NATD1: variants seen among roughly 807,000 people sequenced by gnomAD.
NATD1 encodes the protein N-acetyltransferase domain containing 1.
A neutral mutation model predicts 12.0 loss-of-function variants in NATD1; 9 were observed. The observed-to-expected ratio is 0.75, with a 90% CI of 0.45 to 1.30. The LOEUF (loss-of-function observed/expected upper bound fraction) is 1.30, where lower values mean the gene tolerates loss of function less well. Ranked by LOEUF, NATD1 falls within the 50% of genes most tolerant of loss-of-function variation. The pLI, the probability that NATD1 is intolerant of heterozygous loss-of-function variation, is 0.00. For missense variants in NATD1, 148 were observed against 148.5 expected (o/e 1.00, Z 0.02); for synonymous variants, 71 against 65.9 (o/e 1.08, Z -0.37).
At chr17:21,252,825 G>C (rs1033127006) in intron 1 of NATD1, among the ~76,000 whole-genome samples, 1 of 152,012 alleles carries the variant, frequency 6.6e-6, no homozygotes, top group Non-Finnish European at 1.5e-5. Flanking sequence ...GCTGAGACAG[G>C]GGACCCGCGC....
Position 21,242,423 on chromosome 17 carries a change from T to TAA in NATD1, c.*889_*890insTT, listed in dbSNP as rs2144355706. ...GATGCTGAGGGTGGTTTTTGGAGAA[T>TAA]AGTCAGCTTCACTCCCACCCCAGCC... On this transcript the variant is annotated 3_prime_UTR_variant, in exon 3 of 3. Coordinates refer to ENST00000611551, the MANE Select transcript of NATD1 (RefSeq NM_152914.3). The TAA allele has an allele frequency of 6.6e-6, 1 of 152,372 alleles. No homozygotes were observed. The highest frequency in any genetic ancestry group is 2.1e-4 in the South Asian group (1 of 4,832). 9.4% of individuals were successfully genotyped at this position (152,372 alleles called of 1,614,324 possible).
At chr17:21,247,299 GC>G (rs1477585983) in intron 1 of NATD1, among the ~76,000 whole-genome samples, 1 of 152,246 alleles carries the variant, frequency 6.6e-6, no homozygotes, top group Non-Finnish European at 1.5e-5. Flanking sequence ...ACACACTAGG[GC>G]CTTGTGGCAG....
In NATD1 at chr17:21,239,653, G is replaced by T. The variant is rs1296865788; in HGVS notation, c.*3660C>A. 2 of 152,250 alleles carry T rather than the reference G, an allele frequency of 1.3e-5. No individual in the cohort carries two copies. The highest frequency in any genetic ancestry group is 2.9e-5 in the Non-Finnish European group (2 of 68,088). The allele number at this position is 152,250 out of a possible 1,614,324, so 9.4% of individuals were successfully genotyped here. On this transcript the variant is annotated 3_prime_UTR_variant, in exon 3 of 3. Coordinates refer to ENST00000611551, the MANE Select transcript of NATD1 (RefSeq NM_152914.3). Reference sequence around the variant, plus strand: ...AAAAATACAAAAATTAGCCAGGCATGGTGGTGGGCACCTGTAATTCCAGCT... The same window carrying T: ...AAAAATACAAAAATTAGCCAGGCATTGTGGTGGGCACCTGTAATTCCAGCT...
At position 21,244,058 on chromosome 17, in the gene NATD1, GC is replaced by G. The variant is rs774054927; in HGVS notation, c.225+47del. 2.0e-6 allele frequency: 3 copies of G among 1,523,546 alleles called. No homozygotes were observed. The Admixed American group carries it at 5.4e-5, about 27-fold the overall frequency. 94.4% of individuals were successfully genotyped at this position (1,523,546 alleles called of 1,614,324 possible). ...CCGTCTCCTCGGAGCGAAGGTGGCA[GC>G]CCCCATGTCCCCGTCCCCGCTTGGC... is the stretch of plus-strand genomic sequence containing the variant. On this transcript the variant is annotated intron_variant, in intron 2 of 2. Coordinates refer to ENST00000611551, the MANE Select transcript of NATD1 (RefSeq NM_152914.3). This position sits in a 1 kb window ranked among gnomAD's most constrained non-coding sequence, Gnocchi z 5.2.
intron 1 of NATD1, among the ~76,000 whole-genome samples, chr17:21,252,744 C>CA (rs1975389509): frequency 1.3e-5 from 2 of 152,140 alleles, no homozygotes; most frequent in Non-Finnish European, 2.9e-5. Flanking sequence ...TCCAGGATCT[C>CA]AAACAGGAGC....
At position 21,253,250 on chromosome 17, in the gene NATD1, AGCC is replaced by A. The variant is rs1355540540; in HGVS notation, c.12_14del (p.Ala7del). ...CCAGCGCGCCCAGCGGCACGGCGGC[AGCC>A]GAGTGCGCCATCTGCGCGCGGGGCT... On this transcript the variant is annotated inframe_deletion, in exon 1 of 3. Transcript: ENST00000611551. 2.0e-6 allele frequency: 2 copies of A among 996,168 alleles called. No homozygotes were observed. Among genetic ancestry groups the A allele is most frequent in the East Asian group, 2.1e-4 (2 of 9,448 alleles). The allele number at this position is 996,168 out of a possible 1,614,324, so 61.7% of individuals were successfully genotyped here.
Position 21,253,181 on chromosome 17 carries a change from G to C in NATD1, c.84C>G (p.Arg28=), listed in dbSNP as rs1357975784. 1.1e-5 allele frequency: 11 copies of C among 1,018,128 alleles called. No homozygotes were observed. The highest frequency in any genetic ancestry group is 1.3e-5 in the Non-Finnish European group (11 of 852,626). The allele number at this position is 1,018,128 out of a possible 1,614,324, so 63.1% of individuals were successfully genotyped here. ...TACCGTTGAGCCGGACAGTGAACTGGCGGCGCCGGCGGTCGTGCTCCACGC... is the reference window on the plus strand; with the variant it reads ...TACCGTTGAGCCGGACAGTGAACTGCCGGCGCCGGCGGTCGTGCTCCACGC... ...PIRVEHDRRR[R]QFTVRLNGCH... is the part of the protein sequence containing the mutation. The change falls in exon 1 of 3, where the codon CGC becomes CGG. Residue 28 remains arginine (R), a synonymous_variant. Transcript: ENST00000611551.
intron 1 of NATD1, among the ~76,000 whole-genome samples, chr17:21,248,118 A>G (rs1975342706): frequency 6.6e-6 from 1 of 152,174 alleles, no homozygotes; most frequent in African/African-American, 2.4e-5. Context: ...GCCAGACCAC[A>G]TGGCACTGGG....
intron 1 of NATD1, among the ~76,000 whole-genome samples, chr17:21,251,756 GAGCCCCACC>G (rs1165012183): frequency 6.6e-6 from 1 of 152,202 alleles, no homozygotes; most frequent in African/African-American, 2.4e-5. Context: ...TGGGTCGCAG[GAGCCCCACC>G]GTTCAGGGAG....
intron 1 of NATD1, among the ~76,000 whole-genome samples, chr17:21,247,006 T>C (rs1322014987): frequency 6.6e-6 from 1 of 152,094 alleles, no homozygotes; most frequent in African/African-American, 2.4e-5. Context: ...CAAAAAAACC[T>C]CAGCTTTTGC....
chr17:21,243,284 C>T lies in NATD1; in HGVS notation c.*29G>A. The T allele has an allele frequency of 1.9e-6, 3 of 1,590,546 alleles. No individual in the cohort carries two copies. The highest frequency in any genetic ancestry group is 3.4e-5 in the Admixed American group (2 of 59,460). The stretch of plus-strand genomic sequence containing the variant: ...GCAAAGGCCACGTGGAAGAGTCCGG[C>T]AGGGAGCGCTCCCGCCTGCAGGCCA... On this transcript the variant is annotated 3_prime_UTR_variant, in exon 3 of 3. Transcript: ENST00000611551.
At position 21,253,314 on chromosome 17, in the gene NATD1, G is replaced by A; in HGVS notation, c.-50C>T. The A allele has an allele frequency of 2.4e-6, 2 of 832,920 alleles. No individual in the cohort carries two copies. Among genetic ancestry groups the A allele is most frequent in the Non-Finnish European group, 2.9e-6 (2 of 692,044 alleles). The allele number at this position is 832,920 out of a possible 1,614,324, so 51.6% of individuals were successfully genotyped here. A position where few individuals can be genotyped will look rare whatever the true frequency, so the allele number is the denominator to read the frequency against. On this transcript the variant is annotated 5_prime_UTR_variant, in exon 1 of 3. Coordinates refer to ENST00000611551, the MANE Select transcript of NATD1 (RefSeq NM_152914.3). ...GCCGGCGGGGGCCGGGGCGCGCGGG[G>A]AAAGGTCAGGCGCGCGGCGGGGCTG...
At chr17:21,251,254 C>T (rs541749456) in intron 1 of NATD1, among the ~76,000 whole-genome samples, 2 of 146,896 alleles carry the variant, frequency 1.4e-5, no homozygotes, top group East Asian at 4.0e-4. Flanking sequence ...CTCTGGAGGG[C>T]TGTCCTTTGG....
chr17:21,253,353 G>T lies in NATD1; in HGVS notation c.-89C>A. The T allele has an allele frequency of 2.2e-6, 1 of 447,592 alleles. No individual in the cohort carries two copies. The highest frequency in any genetic ancestry group is 2.9e-6 in the Non-Finnish European group (1 of 339,328). 27.7% of individuals were successfully genotyped at this position (447,592 alleles called of 1,614,324 possible). On this transcript the variant is annotated 5_prime_UTR_variant, in exon 1 of 3. The change creates a new upstream start codon in the 5' untranslated region. Coordinates refer to ENST00000611551, the MANE Select transcript of NATD1 (RefSeq NM_152914.3). ...GCGGCGGGGCTGGAGCGCGGGCGCA[G>T]GCGGCAGGCGGTGGGGTAGTTACGG...
Position 21,244,116 on chromosome 17 carries a change from T to C in NATD1, c.215A>G (p.His72Arg). Residue 72 changes from histidine (H) to arginine (R), a missense_variant, in exon 2 of 3, where the codon CAC (histidine) becomes CGC (arginine). By Grantham distance (29) the His-to-Arg change is conservative. Coordinates refer to ENST00000611551, the MANE Select transcript of NATD1 (RefSeq NM_152914.3). The surrounding 1 kb of genome is among the most constrained non-coding windows in gnomAD (Gnocchi z 5.2). ...ACCTGCCTGCCCTACCTTGGCAAGG[T>C]GCTTGGCGATGCCACGCCCACGGTA... The part of the protein sequence containing the change: ...DAYRGRGIAK[H>R]LAKAALDFVV... The C allele has an allele frequency of 6.2e-7, 1 of 1,612,062 alleles. No individual in the cohort carries two copies. Among genetic ancestry groups the C allele is most frequent in the Non-Finnish European group, 8.5e-7 (1 of 1,179,386 alleles).
chr17:21,252,652 G>T (rs957433091), intron 1 of NATD1, among the ~76,000 whole-genome samples: 2 of 151,658 alleles, frequency 1.3e-5, no homozygotes, highest in Non-Finnish European at 2.9e-5. Flanking sequence ...GGCCTCCCCC[G>T]TGTAGAAAGA....
chr17:21,241,557 G>C lies in NATD1; in HGVS notation c.*1756C>G, dbSNP rs1021074175. The C allele has an allele frequency of 1.3e-5, 2 of 152,530 alleles. No individual in the cohort carries two copies. The highest frequency in any genetic ancestry group is 2.4e-5 in the African/African-American group (1 of 41,450). The allele number at this position is 152,530 out of a possible 1,614,324, so 9.4% of individuals were successfully genotyped here. A position where few individuals can be genotyped will look rare whatever the true frequency, so the allele number is the denominator to read the frequency against. On this transcript the variant is annotated 3_prime_UTR_variant, in exon 3 of 3. Coordinates refer to ENST00000611551, the MANE Select transcript of NATD1 (RefSeq NM_152914.3). ...CTCCTGCCAGCTGCATCTCCCTGGAGGCCCAGGGCTTTCTCCGACCTCTCA... is the reference window on the plus strand; with the variant it reads ...CTCCTGCCAGCTGCATCTCCCTGGACGCCCAGGGCTTTCTCCGACCTCTCA...
chr17:21,250,235 G>A (rs1462883139), intron 1 of NATD1, among the ~76,000 whole-genome samples: 7 of 152,216 alleles, frequency 4.6e-5, no homozygotes, highest in Admixed American at 1.3e-4. Context: ...ACAAGGCATC[G>A]CAGGCACTGC....
rs1264177632 is a variant in NATD1, at chr17:21,244,140, T to G, written c.191A>C (p.Tyr64Ser). ...DLQHTEVPDA[Y>S]RGRGIAKHLA... ...GTGCTTGGCGATGCCACGCCCACGG[T>G]AGGCATCTGGGACCTCGGTGTGCTG... Residue 64 changes from tyrosine to serine, a missense_variant, in exon 2 of 3, where the codon TAC (tyrosine) becomes TCC (serine). Coordinates refer to ENST00000611551, the MANE Select transcript of NATD1 (RefSeq NM_152914.3). The surrounding 1 kb of genome is among the most constrained non-coding windows in gnomAD (Gnocchi z 5.2). 1.9e-6 allele frequency: 3 copies of G among 1,612,930 alleles called. No homozygotes were observed. Among genetic ancestry groups the G allele is most frequent in the Non-Finnish European group, 2.5e-6 (3 of 1,179,746 alleles).
Sources: allele counts gnomAD v4.1 joint callset (sites outside exome capture counted in the v4.1 genomes callset), GRCh38; gene constraint gnomAD v4.1.1; non-coding constraint Gnocchi (gnomAD v3.1); transcripts MANE v1.5; gene names NCBI Gene and HGNC (gene_info 2026-07-23, HGNC 2026-07-21).